TGM7: variants seen among roughly 807,000 people sequenced by gnomAD.
TGM7 encodes the protein transglutaminase 7.
A neutral mutation model predicts 79.5 loss-of-function variants in TGM7; 74 were observed. The observed-to-expected ratio is 0.93, with a 90% confidence interval of 0.77 to 1.13. The LOEUF is 1.13. Ranked by LOEUF, TGM7 falls within the 50% of genes most tolerant of loss-of-function variation. The pLI, the probability that TGM7 is intolerant of heterozygous loss-of-function variation, is 0.00. For missense variants in TGM7, 912 were observed against 905.9 expected (o/e 1.01, Z -0.09); for synonymous variants, 354 against 362.5 (o/e 0.98, Z 0.27).
intron 6 of TGM7, among the ~76,000 whole-genome samples, chr15:43,285,570 G>T (rs1317059870): frequency 6.6e-6 from 1 of 152,116 alleles, no homozygotes; most frequent in Non-Finnish European, 1.5e-5. Context: ...TCCCACCCTA[G>T]CTCTGAAATT....
intron 1 of TGM7, among the ~76,000 whole-genome samples, chr15:43,301,074 C>T (rs911464176): frequency 2.0e-5 from 3 of 152,028 alleles, no homozygotes; most frequent in Admixed American, 6.5e-5. Context: ...TTTGACCCCC[C>T]CAGGCTCATG....
chr15:43,293,468 G>A lies in TGM7; in HGVS notation c.174C>T (p.Ile58=). 6.2e-7 allele frequency: 1 copy of A among 1,607,764 alleles called. No individual in the cohort carries two copies. Among genetic ancestry groups the A allele is most frequent in the Non-Finnish European group, 8.5e-7 (1 of 1,176,416 alleles). The change falls in exon 2 of 13, where the codon ATC becomes ATT. Residue 58 remains isoleucine, a synonymous_variant. Transcript: ENST00000452443. ...SRPFQSQNDH[I]TFVAETGPKP... Reference sequence around the variant, plus strand: ...ACTCACCGGTCTCAGCCACAAAGGTGATGTGGTCGTTCTGGGACTGGAAGG... The same window carrying A: ...ACTCACCGGTCTCAGCCACAAAGGTAATGTGGTCGTTCTGGGACTGGAAGG...
At chr15:43,292,145 A>T (rs374978944) in intron 3 of TGM7, 48 bp from the exon 4 acceptor site, 48 of 1,316,788 alleles carry the variant, frequency 3.6e-5, no homozygotes, top group African/African-American at 8.7e-5. Context: ...AACCAAAAAA[A>T]CAGAGTATTA....
At chr15:43,298,715 T>G (rs2043012383) in intron 1 of TGM7, among the ~76,000 whole-genome samples, 1 of 152,062 alleles carries the variant, frequency 6.6e-6, no homozygotes. Flanking sequence ...ATCGGGCCAC[T>G]GCACTCCAGC....
chr15:43,294,168 G>A (rs2042981190), intron 1 of TGM7, among the ~76,000 whole-genome samples: 1 of 152,192 alleles, frequency 6.6e-6, no homozygotes, highest in African/African-American at 2.4e-5. Context: ...AAGTCAGTGA[G>A]CTGACTGGAA....
At chr15:43,277,138 T>C in intron 11 of TGM7, 143 bp from the exon 12 acceptor site, 1 of 1,062,382 alleles carries the variant, frequency 9.4e-7, no homozygotes, top group East Asian at 2.5e-5. Context: ...GGGAGGAATG[T>C]GAGCTGAGAG....
At chr15:43,290,479 A>G (rs1273435527) in intron 4 of TGM7, among the ~76,000 whole-genome samples, 2 of 152,172 alleles carry the variant, frequency 1.3e-5, no homozygotes, top group Middle Eastern at 3.2e-3. Flanking sequence ...CTTGTAGTAT[A>G]GTTTGAAGTC....
chr15:43,277,686 C>T (rs1451243994), intron 11 of TGM7, among the ~76,000 whole-genome samples: 1 of 152,132 alleles, frequency 6.6e-6, no homozygotes, highest in Admixed American at 6.5e-5. Flanking sequence ...TTCTGGAGCC[C>T]CTGGGCCTAG....
rs1225990494 is a variant in TGM7, at chr15:43,287,443, A to G, written c.702T>C (p.Asp234=). Residue 234 remains aspartate, a synonymous_variant, in exon 6 of 13, where the codon GAT becomes GAC. Transcript: ENST00000452443. The part of the protein sequence containing the change: ...RVVSAMINSN[D]DNGVLQGNWG... ...AGTTCCCCTGCAGCACGCCATTGTCATCGTTGCTGTTGATCTGCAGAGGAC... is the reference window on the plus strand; with the variant it reads ...AGTTCCCCTGCAGCACGCCATTGTCGTCGTTGCTGTTGATCTGCAGAGGAC... 1 of 1,614,092 alleles carries G rather than the reference A, an allele frequency of 6.2e-7. No individual in the cohort carries two copies. Among genetic ancestry groups the G allele is most frequent in the Admixed American group, 1.7e-5 (1 of 60,024 alleles).
rs897245259 is a variant in TGM7, at chr15:43,279,924, A to G, written c.1379T>C (p.Met460Thr). The change falls in exon 10 of 13, where the codon ATG (methionine) becomes ACG (threonine). Residue 460 changes from methionine (M) to threonine (T), a missense_variant. Met to Thr is a moderately conservative substitution (Grantham distance 81). Transcript: ENST00000452443. ...GCCCAGCATTTTCCGAGAAGCCTTC[A>G]TGAAGACAGCTCTCTCCTCAGGGGA... ...EGSPEERAVF[M>T]KASRKMLGPQ... The G allele has an allele frequency of 1.2e-5, 20 of 1,614,086 alleles. No homozygotes were observed. In the Admixed American group the frequency reaches 1.7e-4, roughly 13 times the overall value.
In TGM7 at chr15:43,299,884, T is replaced by C. The variant is rs527653890; in HGVS notation, c.10+2357A>G. Among the ~76,000 whole-genome samples the C allele has an allele frequency of 9.2e-5, 14 of 152,326 alleles. No homozygotes were observed. The South Asian group carries it at 2.7e-3, about 29-fold the overall frequency. ...TTACTGCCGTGTTCTGTGCCTCTTTTAGTGTGCAAGAATAAAAATTTCTTA... is the reference window on the plus strand; with the variant it reads ...TTACTGCCGTGTTCTGTGCCTCTTTCAGTGTGCAAGAATAAAAATTTCTTA... On this transcript the variant is annotated intron_variant, in intron 1 of 12. Transcript: ENST00000452443.
intron 1 of TGM7, among the ~76,000 whole-genome samples, chr15:43,296,457 G>A (rs1275684760): frequency 6.7e-6 from 1 of 149,622 alleles, no homozygotes; most frequent in Non-Finnish European, 1.5e-5. Flanking sequence ...TCAGAGAGCA[G>A]CTGGCCTCAA....
rs776186626 is a variant in TGM7 at position 43,287,497 on chromosome 15, G to T, written c.688-40C>A. ...CAGGTGGGTTTCCACAGCTCCCGGG[G>T]AAGCTCAGACTGTCCTCAGACGGCG... On this transcript the variant is annotated intron_variant, in intron 5 of 12. Transcript: ENST00000452443. 1.9e-6 allele frequency: 3 copies of T among 1,612,896 alleles called. No homozygotes were observed. The African/African-American group carries it at 4.0e-5, about 22-fold the overall frequency.
chr15:43,292,789 A>G lies in TGM7; in HGVS notation c.359T>C (p.Ile120Thr). 1.9e-6 allele frequency: 3 copies of G among 1,614,124 alleles called. No individual in the cohort carries two copies. Among genetic ancestry groups the G allele is most frequent in the Non-Finnish European group, 2.5e-6 (3 of 1,180,022 alleles). Residue 120 changes from isoleucine to threonine, a missense_variant, in exon 3 of 13, where the codon ATA (isoleucine) becomes ACA (threonine). Transcript: ENST00000452443. The part of the protein sequence containing the change: ...NAVIGHYTLK[I>T]EISQGQGHSV... ...GTGACCTTGGCCCTGAGAGATCTCT[A>G]TTTTCAGAGTGTAATGGCCAATAAC...
At chr15:43,290,844 A>T (rs1312520170) in intron 4 of TGM7, among the ~76,000 whole-genome samples, 1 of 152,112 alleles carries the variant, frequency 6.6e-6, no homozygotes, top group Non-Finnish European at 1.5e-5. Flanking sequence ...ATGGGAGTTC[A>T]CTCATGATTT....
At chr15:43,289,717 C>T (rs1416116352) in intron 4 of TGM7, among the ~76,000 whole-genome samples, 1 of 152,190 alleles carries the variant, frequency 6.6e-6, no homozygotes. Context: ...ACATCCTCTC[C>T]AGCACTTGTT....
At chr15:43,289,186 A>G (rs1193405714) in intron 4 of TGM7, among the ~76,000 whole-genome samples, 2 of 151,998 alleles carry the variant, frequency 1.3e-5, no homozygotes, top group Non-Finnish European at 2.9e-5. Flanking sequence ...AACATTAGGT[A>G]TATCTCCTAA....
At position 43,301,052 on chromosome 15, in the gene TGM7, G is replaced by A. The variant is rs182160344; in HGVS notation, c.10+1189C>T. ...GCCGGAGTGCAGTGGCGCAATCTCA[G>A]CTCAATGCAGCTTTGACCCCCCCAG... On this transcript the variant is annotated intron_variant, in intron 1 of 12. Coordinates refer to ENST00000452443, the MANE Select transcript of TGM7 (RefSeq NM_052955.3). Among the ~76,000 whole-genome samples the A allele has an allele frequency of 3.9e-3, 594 of 152,138 alleles. 3 individuals are homozygous for A. Among genetic ancestry groups the A allele is most frequent in the Non-Finnish European group, 6.4e-3 (432 of 67,998 alleles).
chr15:43,278,886 T>C (rs2042891059), intron 11 of TGM7, among the ~76,000 whole-genome samples: 3 of 152,258 alleles, frequency 2.0e-5, no homozygotes, highest in South Asian at 4.1e-4. Context: ...TTCACGGCCA[T>C]CTAATTTCTC....
Sources: allele counts gnomAD v4.1 joint callset (sites outside exome capture counted in the v4.1 genomes callset), GRCh38; gene constraint gnomAD v4.1.1; transcripts MANE v1.5; gene names NCBI Gene and HGNC (gene_info 2026-07-23, HGNC 2026-07-21).